The following FRYL variants were observed in gnomAD, a reference collection of about 807,000 sequenced individuals.
The protein encoded by FRYL is protein furry homolog-like.
Under a neutral mutation model 351.2 loss-of-function variants are expected in FRYL, and 150 were observed. The observed-to-expected ratio is 0.43, with a 90% CI of 0.37 to 0.49. The LOEUF (loss-of-function observed/expected upper bound fraction) is 0.49, where lower values mean the gene tolerates loss of function less well. FRYL is among the 20% of genes least tolerant of loss of function. FRYL has a pLI of 0.00. For missense variants in FRYL, 3,036 were observed against 3,619.3 expected (o/e 0.84, Z 4.13); for synonymous variants, 1,153 against 1,257.1 (o/e 0.92, Z 1.75).
chr4:48,550,228 A>G (rs557358572), intron 38 of FRYL, among the ~76,000 whole-genome samples: 1 of 152,354 alleles, frequency 6.6e-6, no homozygotes, highest in African/African-American at 2.4e-5. Context: ...AAACTTGGGT[A>G]GATTATTCAC....
chr4:48,563,919 A>T, intron 31 of FRYL, 29 bp downstream of exon 31: 1 of 1,590,924 alleles, frequency 6.3e-7, no homozygotes, highest in Non-Finnish European at 8.5e-7. Context: ...ACAGAACAAA[A>T]TGAAACAAAA....
At chr4:48,507,891 G>A (rs1342071256) in intron 59 of FRYL, among the ~76,000 whole-genome samples, 2 of 152,302 alleles carry the variant, frequency 1.3e-5, no homozygotes, top group Middle Eastern at 3.4e-3. Context: ...GCCCCTGGGA[G>A]ACTGAGAAGG....
Position 48,674,306 on chromosome 4 carries a change from T to C in FRYL, c.-81+10367A>G, listed in dbSNP as rs1578667605. ...ATAATATAAGTTCCAATTCTACTAG[T>C]ATTTATCAGTGAAACCAGTCTTGGA... On this transcript the variant is annotated intron_variant, in intron 3 of 63. Transcript: ENST00000358350. Among the ~76,000 whole-genome samples the C allele has an allele frequency of 2.6e-5, 4 of 152,304 alleles. No homozygotes were observed. The East Asian group carries it at 5.8e-4, about 22-fold the overall frequency.
intron 1 of FRYL, among the ~76,000 whole-genome samples, chr4:48,729,405 G>A (rs1388623952): frequency 6.6e-6 from 1 of 152,172 alleles, no homozygotes; most frequent in Non-Finnish European, 1.5e-5. Context: ...CACGGTGTTC[G>A]AGCTCTGATA....
At chr4:48,531,718 T>C (rs998839095) in intron 49 of FRYL, among the ~76,000 whole-genome samples, 1 of 152,236 alleles carries the variant, frequency 6.6e-6, no homozygotes, top group Non-Finnish European at 1.5e-5. Flanking sequence ...GTTTATAGCT[T>C]TGAGACTCTA....
At chr4:48,711,577 G>T (rs1345510581) in intron 1 of FRYL, among the ~76,000 whole-genome samples, 2 of 152,268 alleles carry the variant, frequency 1.3e-5, no homozygotes, top group African/African-American at 2.4e-5. Context: ...CGAACTGGGT[G>T]GAGCCCACCA....
chr4:48,703,151 T>C (rs1012651156), intron 2 of FRYL, among the ~76,000 whole-genome samples: 7 of 152,140 alleles, frequency 4.6e-5, no homozygotes, highest in African/African-American at 1.7e-4. Flanking sequence ...CCGTAAGTTT[T>C]TGAGAAAGGA....
chr4:48,560,976 G>T (rs1735368592), intron 33 of FRYL, among the ~76,000 whole-genome samples: 1 of 152,192 alleles, frequency 6.6e-6, no homozygotes, highest in Non-Finnish European at 1.5e-5. Flanking sequence ...ACTGGAACAA[G>T]ATCTTGATGT....
At chr4:48,721,404 C>T (rs575869871) in intron 1 of FRYL, among the ~76,000 whole-genome samples, 5 of 151,508 alleles carry the variant, frequency 3.3e-5, no homozygotes, top group African/African-American at 1.2e-4. Flanking sequence ...GTGGCTCACA[C>T]CTGTAATCCT....
chr4:48,758,164 C>T (rs1050338202), intron 1 of FRYL, among the ~76,000 whole-genome samples: 3 of 152,174 alleles, frequency 2.0e-5, no homozygotes, highest in African/African-American at 7.2e-5. Context: ...CCATTCAGGA[C>T]ATGGGCATGG....
At chr4:48,545,221 T>C (rs189606847) in intron 42 of FRYL, among the ~76,000 whole-genome samples, 3 of 152,334 alleles carry the variant, frequency 2.0e-5, no homozygotes, top group Admixed American at 6.5e-5. Context: ...ATTTAGATTG[T>C]AATGCAAAGA....
At chr4:48,616,619 T>C (rs570891074) in intron 7 of FRYL, among the ~76,000 whole-genome samples, 1 of 152,102 alleles carries the variant, frequency 6.6e-6, no homozygotes, top group African/African-American at 2.4e-5. Flanking sequence ...AGAGATAGAG[T>C]CCTTCATACA....
chr4:48,549,379 G>A lies in FRYL; in HGVS notation c.4784+94C>T. The A allele has an allele frequency of 9.0e-7, 1 of 1,109,564 alleles. No homozygotes were observed. Among genetic ancestry groups the A allele is most frequent in the Non-Finnish European group, 1.3e-6 (1 of 790,806 alleles). 68.7% of individuals were successfully genotyped at this position (1,109,564 alleles called of 1,614,324 possible). A position where few individuals can be genotyped will look rare whatever the true frequency, so the allele number is the denominator to read the frequency against. Reference sequence around the variant, plus strand: ...TTGCAGTATCTCCATAAAGAAGATTGCTTTCATTCTGTGTTGTCAGATAGC... The same window carrying A: ...TTGCAGTATCTCCATAAAGAAGATTACTTTCATTCTGTGTTGTCAGATAGC... On this transcript the variant is annotated intron_variant, in intron 39 of 63. Transcript: ENST00000358350. The surrounding 1 kb of genome is among the most constrained non-coding windows in gnomAD (Gnocchi z 4.2).
At chr4:48,705,520 G>A (rs1578776506) in intron 2 of FRYL, among the ~76,000 whole-genome samples, 2 of 144,686 alleles carry the variant, frequency 1.4e-5, no homozygotes, top group African/African-American at 2.5e-5. Flanking sequence ...ATTTATATAA[G>A]GAGACATATG....
chr4:48,679,731 C>T (rs1393576077), intron 3 of FRYL, among the ~76,000 whole-genome samples: 2 of 151,926 alleles, frequency 1.3e-5, no homozygotes, highest in African/African-American at 2.4e-5. Context: ...GATAGATATG[C>T]TAATAACTCT....
chr4:48,676,603 G>A (rs1763733424), intron 3 of FRYL, among the ~76,000 whole-genome samples: 1 of 151,082 alleles, frequency 6.6e-6, no homozygotes, highest in Non-Finnish European at 1.5e-5. Context: ...GTGTTAGCCA[G>A]GATGGTCTCA....
Position 48,522,965 on chromosome 4 carries a change from G to C in FRYL, c.7457C>G (p.Thr2486Arg). Residue 2486 changes from threonine (T) to arginine (R), a missense_variant, in exon 54 of 64, where the codon ACA becomes AGA. Around this residue, in one of 7 missense-constraint regions of FRYL, gnomAD observed 1,987 missense variants for 2,311.7 expected, o/e 0.86. Coordinates refer to ENST00000358350, the MANE Select transcript of FRYL (RefSeq NM_015030.2). ...CGCTTCTTCTTCCGAGGACTCATCT[G>C]TATCCTCCTGATTGGTGAGGTTCAG... ...PSLNLTNQED[T>R]DESSEEEAAL... The C allele has an allele frequency of 6.2e-7, 1 of 1,614,032 alleles. No individual in the cohort carries two copies. Among genetic ancestry groups the C allele is most frequent in the Non-Finnish European group, 8.5e-7 (1 of 1,179,914 alleles).
intron 27 of FRYL, among the ~76,000 whole-genome samples, chr4:48,568,424 G>A (rs1175547431): frequency 7.9e-5 from 12 of 152,130 alleles, no homozygotes; most frequent in African/African-American, 2.9e-4. Flanking sequence ...GAGTGTTTTA[G>A]TAAGGATGTA....
chr4:48,513,647 T>G (rs1471305580), intron 56 of FRYL, among the ~76,000 whole-genome samples: 1 of 152,230 alleles, frequency 6.6e-6, no homozygotes, highest in East Asian at 1.9e-4. Flanking sequence ...CCATATGCAC[T>G]GGAATGCATG....
Sources: gnomAD v4.1 joint callset for allele counts (sites outside exome capture counted in the v4.1 genomes callset) on GRCh38, gnomAD v4.1.1 for gene constraint, gnomAD v4.1.1 regional missense constraint, Gnocchi (gnomAD v3.1) non-coding constraint, MANE v1.5 for transcripts, NCBI Gene and HGNC (gene_info 2026-07-23, HGNC 2026-07-21) for gene names.